The following ARHGEF33 variants were observed in gnomAD, a reference collection of about 807,000 sequenced individuals.
ARHGEF33 encodes Rho guanine nucleotide exchange factor 33.
ARHGEF33 carries 72 observed loss-of-function variants against 101.9 expected under a neutral mutation model. The observed-to-expected ratio is 0.71, with a 90% CI of 0.58 to 0.86. ARHGEF33 has a LOEUF of 0.86. Among genes scored for constraint, ARHGEF33 ranks in the 40% least tolerant of loss-of-function variants. The probability of loss-of-function intolerance (pLI) is 0.00; values close to 1 mark genes in which losing one functional copy is unlikely to be tolerated. For synonymous variants in ARHGEF33, 499 were observed against 442.5 expected, an observed-to-expected ratio of 1.13 and a Z score of -1.60; for missense variants, 1,169 against 1,111.3, an observed-to-expected ratio of 1.05 and a Z score of -0.74.
At position 38,929,701 on chromosome 2, in the gene ARHGEF33, T is replaced by G. The variant is rs1206586610; in HGVS notation, c.241-8T>G. The G allele has an allele frequency of 6.4e-7, 1 of 1,550,584 alleles. No individual in the cohort carries two copies. On this transcript the variant is annotated splice_polypyrimidine_tract_variant and splice_region_variant and intron_variant, in intron 5 of 17. Coordinates refer to ENST00000409978, the MANE Select transcript of ARHGEF33 (RefSeq NM_001145451.5). ...CCACGTTAAAACATAGCAATTCTTATTTTTTAGGAAGAGCTGAGCAATGCC... is the reference window on the plus strand; with the variant it reads ...CCACGTTAAAACATAGCAATTCTTAGTTTTTAGGAAGAGCTGAGCAATGCC...
At chr2:38,924,036 GAC>G (rs1411819070) in intron 4 of ARHGEF33, among the ~76,000 whole-genome samples, 5 of 151,930 alleles carry the variant, frequency 3.3e-5, no homozygotes, top group Non-Finnish European at 5.9e-5. Flanking sequence ...AAATCAGAAA[GAC>G]ACAACAAATA....
In ARHGEF33 at chr2:38,960,323, T is replaced by G; in HGVS notation, c.2018T>G (p.Leu673Arg). 6.5e-7 allele frequency: 1 copy of G among 1,541,630 alleles called. No individual in the cohort carries two copies. Among genetic ancestry groups the G allele is most frequent in the South Asian group, 1.2e-5 (1 of 83,798 alleles). Residue 673 changes from leucine to arginine, a missense_variant, in exon 16 of 18, where the codon CTG becomes CGG. By Grantham distance (102) the Leu-to-Arg change is moderately radical. Transcript: ENST00000409978. Reference sequence around the variant, plus strand: ...GAGGCCGAGCGGCCGGAGCACCCGCTGCAGCCGCTGCCCAAGAGCGCTACG... The same window carrying G: ...GAGGCCGAGCGGCCGGAGCACCCGCGGCAGCCGCTGCCCAAGAGCGCTACG... Reference protein sequence around the residue: ...AMEAERPEHPLQPLPKSATSP... With the variant: ...AMEAERPEHPRQPLPKSATSP...
At position 38,960,308 on chromosome 2, in the gene ARHGEF33, G is replaced by A. The variant is rs1307810204; in HGVS notation, c.2003G>A (p.Arg668Gln). The A allele has an allele frequency of 1.2e-5, 18 of 1,544,454 alleles. No homozygotes were observed. In the Admixed American group the frequency reaches 1.2e-4, roughly 10 times the overall value. The change falls in exon 16 of 18, where the codon CGG becomes CAG. Residue 668 changes from arginine to glutamine, a missense_variant. By Grantham distance (43) the Arg-to-Gln change is conservative. Coordinates refer to ENST00000409978, the MANE Select transcript of ARHGEF33 (RefSeq NM_001145451.5). ...RPVSFAMEAE[R>Q]PEHPLQPLPK... ...GTCAGCTTCGCCATGGAGGCCGAGC[G>A]GCCGGAGCACCCGCTGCAGCCGCTG...
At chr2:38,919,754 C>G (rs1360038068) in intron 3 of ARHGEF33, among the ~76,000 whole-genome samples, 2 of 152,234 alleles carry the variant, frequency 1.3e-5, no homozygotes, top group Non-Finnish European at 2.9e-5. Flanking sequence ...TACTAGACAT[C>G]TATCACCTTC....
chr2:38,895,007 A>T (rs1666088483), intron 1 of ARHGEF33, among the ~76,000 whole-genome samples: 1 of 152,198 alleles, frequency 6.6e-6, no homozygotes, highest in Non-Finnish European at 1.5e-5. Context: ...CTGGGAATAA[A>T]CAGATTCACC....
intron 2 of ARHGEF33, among the ~76,000 whole-genome samples, chr2:38,918,282 G>A (rs889397367): frequency 3.3e-5 from 5 of 152,212 alleles, no homozygotes; most frequent in South Asian, 2.1e-4. Flanking sequence ...GTCTTAGAAG[G>A]TAGAAAGAAT....
intron 2 of ARHGEF33, among the ~76,000 whole-genome samples, chr2:38,909,680 T>C (rs1666467396): frequency 6.7e-6 from 1 of 148,992 alleles, no homozygotes; most frequent in Non-Finnish European, 1.5e-5. Flanking sequence ...CCTTTGCCAC[T>C]TTAAATTGCT....
chr2:38,919,590 A>G lies in ARHGEF33; in HGVS notation c.25+118A>G. 3 of 1,046,444 alleles carry G rather than the reference A, an allele frequency of 2.9e-6. 1 individual carries two copies. Among genetic ancestry groups the G allele is most frequent in the South Asian group, 2.8e-5 (2 of 71,576 alleles). The allele number at this position is 1,046,444 out of a possible 1,614,324, so 64.8% of individuals were successfully genotyped here. A position where few individuals can be genotyped will look rare whatever the true frequency, so the allele number is the denominator to read the frequency against. Reference sequence around the variant, plus strand: ...TGTTAACTATTTTCATTTCCCTATCATCATATAATGACTATGAAGAATATA... The same window carrying G: ...TGTTAACTATTTTCATTTCCCTATCGTCATATAATGACTATGAAGAATATA... On this transcript the variant is annotated intron_variant, in intron 3 of 17. Transcript: ENST00000409978.
chr2:38,900,604 T>G (rs1255367480), intron 2 of ARHGEF33, among the ~76,000 whole-genome samples: 1 of 152,148 alleles, frequency 6.6e-6, no homozygotes, highest in Non-Finnish European at 1.5e-5. Context: ...TATCAACCAA[T>G]GTCTAATTGG....
intron 2 of ARHGEF33, among the ~76,000 whole-genome samples, chr2:38,918,350 G>C (rs1309812581): frequency 2.0e-5 from 3 of 152,210 alleles, no homozygotes; most frequent in Non-Finnish European, 4.4e-5. Context: ...TGGGGTAGGT[G>C]CATCTGAGTG....
chr2:38,943,605 T>G (rs1410403970), intron 9 of ARHGEF33, among the ~76,000 whole-genome samples: 1 of 152,244 alleles, frequency 6.6e-6, no homozygotes, highest in Non-Finnish European at 1.5e-5. Context: ...TGCTCCTGCT[T>G]TCAGCATTGT....
At chr2:38,958,376 C>T (rs947745563) in intron 15 of ARHGEF33, among the ~76,000 whole-genome samples, 178 bp downstream of exon 15, 1 of 152,312 alleles carries the variant, frequency 6.6e-6, no homozygotes, top group South Asian at 2.1e-4. Context: ...TGTTAAGGGA[C>T]AGGTGTAGAA....
chr2:38,921,372 A>G lies in ARHGEF33; in HGVS notation c.26-2A>G, dbSNP rs908581380. The G allele has an allele frequency of 3.3e-6, 5 of 1,528,240 alleles. No individual in the cohort carries two copies. The highest frequency in any genetic ancestry group is 4.4e-6 in the Non-Finnish European group (5 of 1,125,628). 94.7% of individuals were successfully genotyped at this position (1,528,240 alleles called of 1,614,324 possible). The stretch of plus-strand genomic sequence containing the variant: ...ATTAAACAAAGCTCTTTCTCCCTGC[A>G]GGAGAGAATGAACATATGCCGGTGA... On this transcript the variant is annotated splice_acceptor_variant, in intron 3 of 17. Transcript: ENST00000409978. LOFTEE classifies it high-confidence loss of function.
intron 1 of ARHGEF33, among the ~76,000 whole-genome samples, chr2:38,890,687 C>G (rs956799126): frequency 1.3e-5 from 2 of 152,160 alleles, no homozygotes; most frequent in East Asian, 3.8e-4. Flanking sequence ...ATGTAGAAAT[C>G]TCTATATCAC....
chr2:38,905,878 A>G (rs1463039769), intron 2 of ARHGEF33, among the ~76,000 whole-genome samples: 1 of 152,184 alleles, frequency 6.6e-6, no homozygotes, highest in African/African-American at 2.4e-5. Flanking sequence ...TGACTGCCTT[A>G]CAGAATGCTT....
chr2:38,952,445 C>T (rs1667635344), intron 11 of ARHGEF33, among the ~76,000 whole-genome samples: 1 of 152,168 alleles, frequency 6.6e-6, no homozygotes, highest in African/African-American at 2.4e-5. Context: ...TTGTGAACTA[C>T]TGATCTGGAT....
intron 4 of ARHGEF33, among the ~76,000 whole-genome samples, chr2:38,923,986 A>G (rs1459746812): frequency 2.0e-5 from 3 of 152,234 alleles, no homozygotes; most frequent in East Asian, 1.9e-4. Context: ...AACTATTTCC[A>G]TCATGAAAAT....
Position 38,929,038 on chromosome 2 carries a change from T to C in ARHGEF33, c.207T>C (p.Val69=). 1 of 1,551,022 alleles carries C rather than the reference T, an allele frequency of 6.4e-7. No homozygotes were observed. Among genetic ancestry groups the C allele is most frequent in the Non-Finnish European group, 8.7e-7 (1 of 1,146,574 alleles). Reference sequence around the variant, plus strand: ...GCAGATGTTCCATGGAAGAAAAAGTTACTGAGATGAAGAATTCATTAAACT... The same window carrying C: ...GCAGATGTTCCATGGAAGAAAAAGTCACTGAGATGAAGAATTCATTAAACT... The part of the protein sequence containing the change: ...KSCRCSMEEK[V]TEMKNSLNYF... Residue 69 remains valine (V), a synonymous_variant, in exon 5 of 18, where the codon GTT becomes GTC. Coordinates refer to ENST00000409978, the MANE Select transcript of ARHGEF33 (RefSeq NM_001145451.5).
chr2:38,903,523 T>A (rs570187516), intron 2 of ARHGEF33, among the ~76,000 whole-genome samples: 1 of 152,112 alleles, frequency 6.6e-6, no homozygotes, highest in East Asian at 1.9e-4. Flanking sequence ...TGGCAGACAC[T>A]AGGGGACAAA....
Sources: allele counts gnomAD v4.1 joint callset (sites outside exome capture counted in the v4.1 genomes callset), GRCh38; gene constraint gnomAD v4.1.1; transcripts MANE v1.5; gene names NCBI Gene and HGNC (gene_info 2026-07-23, HGNC 2026-07-21).